HDLBP: variants seen among roughly 807,000 people sequenced by gnomAD.
The protein encoded by HDLBP is vigilin.
A neutral mutation model predicts 137.3 loss-of-function variants in HDLBP; 30 were observed. The ratio of observed to expected loss-of-function variants is 0.22; its 90% CI spans 0.16 to 0.30. HDLBP has a LOEUF of 0.30. Ranked by LOEUF, HDLBP falls within the 10% of genes least tolerant of loss-of-function variation. The pLI is 1.00. For missense variants in HDLBP, 1,119 were observed against 1,667.3 expected, an observed-to-expected ratio of 0.67 and a Z score of 5.73; for synonymous variants, 606 against 596.0, an observed-to-expected ratio of 1.02 and a Z score of -0.24.
intron 1 of HDLBP, among the ~76,000 whole-genome samples, chr2:241,295,893 A>C (rs1481997853): frequency 6.6e-6 from 1 of 152,196 alleles, no homozygotes; most frequent in African/African-American, 2.4e-5. Context: ...CCTATCCCCC[A>C]GAGGGAGTGT....
At chr2:241,282,349 A>C (rs554079077) in intron 1 of HDLBP, among the ~76,000 whole-genome samples, 1 of 152,376 alleles carries the variant, frequency 6.6e-6, no homozygotes, top group East Asian at 1.9e-4. Context: ...GACTCAAAAA[A>C]AAGTGTGGGA....
At chr2:241,314,812 C>T (rs2075956845) in intron 1 of HDLBP, among the ~76,000 whole-genome samples, 1 of 152,190 alleles carries the variant, frequency 6.6e-6, no homozygotes, top group South Asian at 2.1e-4. Flanking sequence ...GTTCCCAACA[C>T]CATGCGGGTC....
intron 1 of HDLBP, among the ~76,000 whole-genome samples, chr2:241,270,107 C>G (rs2073944517): frequency 6.6e-6 from 1 of 152,216 alleles, no homozygotes; most frequent in Non-Finnish European, 1.5e-5. Flanking sequence ...TGTGATGAGC[C>G]AATCCCCACT....
intron 1 of HDLBP, among the ~76,000 whole-genome samples, chr2:241,289,893 A>G (rs2074952566): frequency 6.6e-6 from 1 of 152,122 alleles, no homozygotes; most frequent in African/African-American, 2.4e-5. Context: ...AACTCCAGCT[A>G]CTGCACGTGT....
intron 11 of HDLBP, 32 bp downstream of exon 11, chr2:241,252,925 C>T (rs370650548): frequency 1.3e-6 from 2 of 1,512,664 alleles, no homozygotes; most frequent in African/African-American, 1.4e-5. Context: ...TCAGGGCACA[C>T]TGGCCCCACC....
chr2:241,267,301 G>A (rs1054529597), intron 2 of HDLBP, among the ~76,000 whole-genome samples: 37 of 152,168 alleles, frequency 2.4e-4, no homozygotes, highest in African/African-American at 8.7e-4. Flanking sequence ...AAGCTGTCCT[G>A]GGCCTCGGGT....
At chr2:241,281,107 G>C (rs1203636488) in intron 1 of HDLBP, among the ~76,000 whole-genome samples, 5 of 152,222 alleles carry the variant, frequency 3.3e-5, no homozygotes, top group Non-Finnish European at 7.3e-5. Context: ...TGTAATCCCA[G>C]CACTTTGGGA....
rs1444217594 is a variant in HDLBP, at chr2:241,288,025, T to C, written c.-102-19484A>G. Among the ~76,000 whole-genome samples, 6 of 152,356 alleles carry C rather than the reference T, an allele frequency of 3.9e-5. No individual in the cohort carries two copies. The East Asian group carries it at 7.7e-4, about 20-fold the overall frequency. On this transcript the variant is annotated intron_variant, in intron 1 of 27. Coordinates refer to ENST00000310931, the MANE Select transcript of HDLBP (RefSeq NM_005336.6). ...TAATAGGAAACTATGGATGGACATA[T>C]GCTAAGTGTTTGTGAGAGTTATCAG... is the stretch of plus-strand genomic sequence containing the variant.
Position 241,250,247 on chromosome 2 carries a change from C to T in HDLBP, c.1373-267G>A, listed in dbSNP as rs143633283. On this transcript the variant is annotated intron_variant, in intron 11 of 27. Transcript: ENST00000310931. ...TGCCCCGAGACCTTCAAATAACTGA[C>T]GGTTGGGGCCACTCAGTCTGGGATT... 585 of 318,458 alleles carry T rather than the reference C, an allele frequency of 1.8e-3. 2 individuals carry two copies. The highest frequency in any genetic ancestry group is 0.011 in the African/African-American group (539 of 47,158). 19.7% of individuals were successfully genotyped at this position (318,458 alleles called of 1,614,324 possible).
In HDLBP at chr2:241,264,590, G is replaced by A; in HGVS notation, c.92C>T (p.Ser31Leu). The A allele has an allele frequency of 6.2e-7, 1 of 1,613,848 alleles. No homozygotes were observed. The highest frequency in any genetic ancestry group is 8.5e-7 in the Non-Finnish European group (1 of 1,179,926). ...PQQIKVATLNSEEESDPPTYK... is the reference protein window; with the variant it reads ...PQQIKVATLNLEEESDPPTYK... ...GGTTGGAGGGTCGCTCTCCTCTTCTGAATTTAGAGTGGCAACTGGACCAGC... is the reference window on the plus strand; with the variant it reads ...GGTTGGAGGGTCGCTCTCCTCTTCTAAATTTAGAGTGGCAACTGGACCAGC... Residue 31 changes from serine (S) to leucine (L), a missense_variant, in exon 4 of 28, where the codon TCA becomes TTA. Coordinates refer to ENST00000310931, the MANE Select transcript of HDLBP (RefSeq NM_005336.6).
intron 1 of HDLBP, among the ~76,000 whole-genome samples, chr2:241,278,205 T>TG (rs919178997): frequency 3.9e-5 from 6 of 151,956 alleles, no homozygotes; most frequent in Admixed American, 6.6e-5. Flanking sequence ...TCCAGTAATG[T>TG]GGGGGGGTAC....
At chr2:241,294,323 C>A (rs1160173795) in intron 1 of HDLBP, among the ~76,000 whole-genome samples, 1 of 152,166 alleles carries the variant, frequency 6.6e-6, no homozygotes, top group East Asian at 1.9e-4. Flanking sequence ...CTATCTAAAA[C>A]ACATGGTTTA....
chr2:241,251,253 C>T (rs1191326647), intron 11 of HDLBP, among the ~76,000 whole-genome samples: 1 of 152,176 alleles, frequency 6.6e-6, no homozygotes, highest in African/African-American at 2.4e-5. Flanking sequence ...GCCACCGTGT[C>T]AGGCCTAAAC....
chr2:241,229,748 G>A (rs574335129), intron 27 of HDLBP, 61 bp from the exon 28 acceptor site: 16 of 1,608,474 alleles, frequency 9.9e-6, no homozygotes, highest in African/African-American at 9.3e-5. Context: ...AGCAGCTTCC[G>A]ACGCAGTTGC....
intron 5 of HDLBP, 98 bp from the exon 6 acceptor site, chr2:241,256,904 A>G: frequency 1.0e-6 from 1 of 1,001,032 alleles, no homozygotes; most frequent in Non-Finnish European, 1.5e-6. Flanking sequence ...ATCTTTGCTT[A>G]TTCCTGCCCA....
chr2:241,235,279 G>A (rs1247900696), intron 22 of HDLBP, 24 bp from the exon 23 acceptor site: 2 of 1,613,962 alleles, frequency 1.2e-6, no homozygotes, highest in African/African-American at 2.7e-5. Flanking sequence ...GGGCTGACTT[G>A]ACGTTCAGGA....
chr2:241,277,119 A>G (rs897156971), intron 1 of HDLBP, among the ~76,000 whole-genome samples: 3 of 152,148 alleles, frequency 2.0e-5, no homozygotes, highest in African/African-American at 7.2e-5. Flanking sequence ...TAAGTAACTC[A>G]TGGAACAAGG....
chr2:241,273,232 C>A, intron 1 of HDLBP: 1 of 985,524 alleles, frequency 1.0e-6, no homozygotes, highest in Non-Finnish European at 1.2e-6. Context: ...GGTCCTACAG[C>A]GCAGTGAGGC....
intron 1 of HDLBP, among the ~76,000 whole-genome samples, chr2:241,270,791 C>T (rs1429810388): frequency 6.6e-6 from 1 of 152,170 alleles, no homozygotes; most frequent in Non-Finnish European, 1.5e-5. Context: ...TTTCAGCAAC[C>T]CCAGGACAGC....
Sources: allele counts gnomAD v4.1 joint callset (sites outside exome capture counted in the v4.1 genomes callset), GRCh38; gene constraint gnomAD v4.1.1; transcripts MANE v1.5; gene names NCBI Gene and HGNC (gene_info 2026-07-23, HGNC 2026-07-21).